GDF6: variants seen among roughly 807,000 people sequenced by gnomAD.
The protein encoded by GDF6 is growth/differentiation factor 6.
A neutral mutation model predicts 32.4 loss-of-function variants in GDF6; 3 were observed. That is an observed-to-expected ratio of 0.09 (90% confidence interval 0.04 to 0.24). The LOEUF (loss-of-function observed/expected upper bound fraction) is 0.24. Among genes scored for constraint, GDF6 ranks in the 10% least tolerant of loss-of-function variants. The pLI is 1.00. For missense variants in GDF6, 589 were observed against 637.9 expected (o/e 0.92, Z 0.83); for synonymous variants, 296 against 295.3 (o/e 1.00, Z -0.03).
In GDF6 at chr8:96,160,492, T is replaced by C. The variant is rs2130238034; in HGVS notation, c.201A>G (p.Pro67=). Residue 67 remains proline, a synonymous_variant, in exon 1 of 2, where the codon CCA becomes CCG. Transcript: ENST00000287020. ...GGGGTTCGTCCTGAGGCCGCGGCTG[T>C]GGTTCCTGGCCCTCCCGGCCCGCGT... ...DSDAGREGQE[P]QPRPQDEPRA... The C allele has an allele frequency of 1.2e-6, 2 of 1,612,782 alleles. No individual in the cohort carries two copies. Among genetic ancestry groups the C allele is most frequent in the Non-Finnish European group, 1.7e-6 (2 of 1,179,352 alleles).
intron 1 of GDF6, among the ~76,000 whole-genome samples, chr8:96,147,123 A>G (rs1812499938): frequency 6.6e-6 from 1 of 152,038 alleles, no homozygotes; most frequent in African/African-American, 2.4e-5. Context: ...AACCCTCTCT[A>G]CCAGTCCAGA....
intron 1 of GDF6, among the ~76,000 whole-genome samples, chr8:96,158,438 C>G (rs749498853): frequency 6.6e-5 from 10 of 152,224 alleles, no homozygotes; most frequent in Non-Finnish European, 1.0e-4. Flanking sequence ...GAGACACCTC[C>G]GAACAGCCCG....
chr8:96,152,833 C>T (rs942200494), intron 1 of GDF6, among the ~76,000 whole-genome samples: 1 of 152,188 alleles, frequency 6.6e-6, no homozygotes, highest in Admixed American at 6.5e-5. Context: ...TCCCTCAGGC[C>T]TCCAGACCCA....
In GDF6 at chr8:96,144,019, C is replaced by T. The variant is rs1423953110; in HGVS notation, c.*544G>A. 6.0e-6 allele frequency: 1 copy of T among 165,378 alleles called. No individual in the cohort carries two copies. Among genetic ancestry groups the T allele is most frequent in the Non-Finnish European group, 1.3e-5 (1 of 74,808 alleles). The allele number at this position is 165,378 out of a possible 1,614,324, so 10.2% of individuals were successfully genotyped here. ...CTAACACTTTCTGTGTGGGAGGGCA[C>T]AAGACATGGGCTATGACATGGCCAG... On this transcript the variant is annotated 3_prime_UTR_variant, in exon 2 of 2. Transcript: ENST00000287020. The surrounding 1 kb of genome is among the most constrained non-coding windows in gnomAD (Gnocchi z 5.1).
In GDF6 at chr8:96,160,627, A is replaced by G. The variant is rs1258533061; in HGVS notation, c.66T>C (p.Gly22=). ...FLISFLWDLP[G]FQQASISSSS... is the part of the protein sequence containing the mutation. Reference sequence around the variant, plus strand: ...AGGATGAGATGGAAGCCTGCTGGAAACCGGGCAAATCCCACAGAAAACTGA... The same window carrying G: ...AGGATGAGATGGAAGCCTGCTGGAAGCCGGGCAAATCCCACAGAAAACTGA... Residue 22 remains glycine, a synonymous_variant, in exon 1 of 2, where the codon GGT becomes GGC. Transcript: ENST00000287020. 1 of 1,613,602 alleles carries G rather than the reference A, an allele frequency of 6.2e-7. No individual in the cohort carries two copies. Among genetic ancestry groups the G allele is most frequent in the East Asian group, 2.2e-5 (1 of 44,862 alleles).
chr8:96,144,404 C>T lies in GDF6; in HGVS notation c.*159G>A. The T allele has an allele frequency of 1.2e-6, 1 of 804,526 alleles. No homozygotes were observed. The allele number at this position is 804,526 out of a possible 1,614,324, so 49.8% of individuals were successfully genotyped here. On this transcript the variant is annotated 3_prime_UTR_variant, in exon 2 of 2. Coordinates refer to ENST00000287020, the MANE Select transcript of GDF6 (RefSeq NM_001001557.4). The surrounding 1 kb of genome is among the most constrained non-coding windows in gnomAD (Gnocchi z 5.1). ...GGTAGAAGTTACTGGGAAGGCTGCG[C>T]TCCCTTCTCTCCCACCGGCTCTCAC...
In GDF6 at chr8:96,160,429, C is replaced by T. The variant is rs1796727750; in HGVS notation, c.264G>A (p.Arg88=). ...ACTCGTGGGGCACCACGCGCGGACC[C>T]CTGCCTGGCGGCTCCTGCGCCCGGG... The part of the protein sequence containing the change: ...QQPRAQEPPG[R]GPRVVPHEYM... The change falls in exon 1 of 2, where the codon AGG becomes AGA. Residue 88 remains arginine (R), a synonymous_variant. Coordinates refer to ENST00000287020, the MANE Select transcript of GDF6 (RefSeq NM_001001557.4). 4 of 1,613,930 alleles carry T rather than the reference C, an allele frequency of 2.5e-6. No homozygotes were observed. The highest frequency in any genetic ancestry group is 1.3e-5 in the African/African-American group (1 of 74,950).
At chr8:96,153,345 C>T (rs566041928) in intron 1 of GDF6, among the ~76,000 whole-genome samples, 1 of 152,350 alleles carries the variant, frequency 6.6e-6, no homozygotes, top group South Asian at 2.1e-4. Flanking sequence ...CAACGGGGTC[C>T]CATTCTGGGC....
chr8:96,147,262 G>A (rs1812502534), intron 1 of GDF6, among the ~76,000 whole-genome samples: 2 of 152,224 alleles, frequency 1.3e-5, no homozygotes, highest in African/African-American at 2.4e-5. Context: ...AAGGGTTAGA[G>A]AGGTGAAAAG....
rs1479616197 is a variant in GDF6, at chr8:96,145,158, G to T, written c.773C>A (p.Pro258Gln). 2 of 1,502,226 alleles carry T rather than the reference G, an allele frequency of 1.3e-6. No homozygotes were observed. Among genetic ancestry groups the T allele is most frequent in the Non-Finnish European group, 1.8e-6 (2 of 1,133,488 alleles). 93.1% of individuals were successfully genotyped at this position (1,502,226 alleles called of 1,614,324 possible). The change falls in exon 2 of 2, where the codon CCG becomes CAG. Residue 258 changes from proline (P) to glutamine (Q), a missense_variant. Transcript: ENST00000287020. The surrounding 1 kb of genome is among the most constrained non-coding windows in gnomAD (Gnocchi z 5.6). ...GCCGAAGCCCAGACTCCGCAGGTCC[G>T]GGGGCGGCGGTTGCTGGGGTCCCCG... ...RARGPQQPPP[P>Q]DLRSLGFGRR...
intron 1 of GDF6, among the ~76,000 whole-genome samples, chr8:96,148,145 C>G (rs552482067): frequency 6.6e-6 from 1 of 152,208 alleles, no homozygotes; most frequent in Non-Finnish European, 1.5e-5. Context: ...CCACCCCTAC[C>G]CTTTCCACGT....
In GDF6 at chr8:96,160,755, G is replaced by C; in HGVS notation, c.-63C>G. 2.6e-6 allele frequency: 4 copies of C among 1,556,288 alleles called. No individual in the cohort carries two copies. In the South Asian group the frequency reaches 3.4e-5, roughly 13 times the overall value. ...CGGCGGCGCAGGACGCGCGGGGCAC[G>C]GAGCGGCTGGACAGCGGCCGGGGCC... On this transcript the variant is annotated 5_prime_UTR_variant, in exon 1 of 2. Coordinates refer to ENST00000287020, the MANE Select transcript of GDF6 (RefSeq NM_001001557.4).
At chr8:96,156,401 TCTC>T (rs1812665478) in intron 1 of GDF6, among the ~76,000 whole-genome samples, 1 of 128,412 alleles carries the variant, frequency 7.8e-6, no homozygotes, top group Non-Finnish European at 1.8e-5. Context: ...TCTCTCTCTC[TCTC>T]TTTCCCTCTC....
intron 1 of GDF6, among the ~76,000 whole-genome samples, chr8:96,156,409 CCTCTCTCT>C (rs1444250623): frequency 8.7e-6 from 1 of 115,532 alleles, no homozygotes; most frequent in Non-Finnish European, 1.9e-5. Flanking sequence ...TCTCTCTTTC[CCTCTCTCT>C]CTCTCTCTCT....
chr8:96,155,019 G>T (rs921746865), intron 1 of GDF6, among the ~76,000 whole-genome samples: 2 of 152,180 alleles, frequency 1.3e-5, no homozygotes, highest in Non-Finnish European at 2.9e-5. Context: ...CAATTGGGGG[G>T]TGGGGAGGGT....
At chr8:96,159,690 C>T (rs1812726584) in intron 1 of GDF6, among the ~76,000 whole-genome samples, 1 of 152,236 alleles carries the variant, frequency 6.6e-6, no homozygotes, top group African/African-American at 2.4e-5. Flanking sequence ...GCAAAAAAGC[C>T]GGAGGGCGCA....
intron 1 of GDF6, among the ~76,000 whole-genome samples, chr8:96,158,590 T>C (rs1377173029): frequency 4.6e-5 from 7 of 152,228 alleles, no homozygotes; most frequent in Admixed American, 4.6e-4. Flanking sequence ...CCTAGGCCTC[T>C]GGGACTTCTT....
At chr8:96,156,292 T>C (rs1355363961) in intron 1 of GDF6, among the ~76,000 whole-genome samples, 1 of 152,004 alleles carries the variant, frequency 6.6e-6, no homozygotes, top group East Asian at 1.9e-4. Context: ...AGAGTTGTTT[T>C]TTCTCCTTGT....
At chr8:96,152,412 T>C (rs549849660) in intron 1 of GDF6, among the ~76,000 whole-genome samples, 46 of 152,336 alleles carry the variant, frequency 3.0e-4, no homozygotes, top group Non-Finnish European at 5.0e-4. Context: ...TGGCTGGCAG[T>C]GCAGCCCTGA....
Sources: allele counts gnomAD v4.1 joint callset (sites outside exome capture counted in the v4.1 genomes callset), GRCh38; gene constraint gnomAD v4.1.1; non-coding constraint Gnocchi (gnomAD v3.1); transcripts MANE v1.5; gene names NCBI Gene and HGNC (gene_info 2026-07-23, HGNC 2026-07-21).